Variants in ROBO2 observed in about 807,000 individuals in gnomAD.
The protein encoded by ROBO2 is roundabout guidance receptor 2.
ROBO2 carries 53 observed loss-of-function variants against 160.8 expected under a neutral mutation model. The observed-to-expected ratio is 0.33, with a 90% CI of 0.26 to 0.41. The LOEUF (loss-of-function observed/expected upper bound fraction) is 0.41. Among genes scored for constraint, ROBO2 ranks in the 10% least tolerant of loss-of-function variants. ROBO2 has a pLI of 1.00. For missense variants in ROBO2, 1,577 were observed against 1,722.4 expected (o/e 0.92, Z 1.49); for synonymous variants, 664 against 611.7 (o/e 1.09, Z -1.26).
chr3:76,868,170 T>C (rs7428044), intron 2 of ROBO2, among the ~76,000 whole-genome samples: 121,238 of 152,164 alleles, frequency 0.8, 48,607 homozygotes, highest in East Asian at 0.87. Flanking sequence ...CGATTTGTTT[T>C]TTTTACCCAA....
intron 2 of ROBO2, among the ~76,000 whole-genome samples, chr3:77,392,980 G>A (rs2153502647): frequency 6.6e-6 from 1 of 152,212 alleles, no homozygotes; most frequent in South Asian, 2.1e-4. Context: ...TAAAATTGTA[G>A]GTTCAGAAGA....
intron 2 of ROBO2, among the ~76,000 whole-genome samples, chr3:76,241,128 G>A (rs540413689): frequency 3.2e-4 from 48 of 152,252 alleles, no homozygotes; most frequent in South Asian, 2.5e-3. Context: ...TCTTGGTAGC[G>A]TGGTTATCTG....
chr3:76,524,204 C>T (rs1370480004), intron 2 of ROBO2, among the ~76,000 whole-genome samples: 1 of 151,928 alleles, frequency 6.6e-6, no homozygotes, highest in East Asian at 1.9e-4. Flanking sequence ...GACTGGGCAG[C>T]AGGTGAGGCT....
intron 2 of ROBO2, among the ~76,000 whole-genome samples, chr3:76,337,953 G>T (rs544399506): frequency 6.6e-6 from 1 of 152,198 alleles, no homozygotes; most frequent in Non-Finnish European, 1.5e-5. Context: ...ACTAGAAATA[G>T]AACTTTAATA....
At chr3:75,966,799 C>T (rs1949132595) in intron 2 of ROBO2, among the ~76,000 whole-genome samples, 1 of 151,672 alleles carries the variant, frequency 6.6e-6, no homozygotes. Flanking sequence ...TATTTACAAT[C>T]ACTATTCCAC....
chr3:76,916,529 T>TTTGAGAC (rs1362572885), intron 2 of ROBO2, among the ~76,000 whole-genome samples: 3 of 147,322 alleles, frequency 2.0e-5, no homozygotes, highest in Non-Finnish European at 4.6e-5. Context: ...GTTATTTTTT[T>TTTGAGAC]GTAGAGACAC....
At chr3:77,308,075 TTGA>T (rs1233372229) in intron 2 of ROBO2, among the ~76,000 whole-genome samples, 2 of 151,704 alleles carry the variant, frequency 1.3e-5, no homozygotes, top group East Asian at 3.9e-4. Flanking sequence ...AGTTTTTACC[TTGA>T]TGAAAGGAGA....
At chr3:77,600,714 G>T (rs1218035787) in intron 19 of ROBO2, among the ~76,000 whole-genome samples, 1 of 152,144 alleles carries the variant, frequency 6.6e-6, no homozygotes, top group South Asian at 2.1e-4. Flanking sequence ...AGGATCTATT[G>T]TGACCAATTT....
chr3:76,836,815 T>A (rs943371958), intron 2 of ROBO2, among the ~76,000 whole-genome samples: 4 of 151,932 alleles, frequency 2.6e-5, no homozygotes, highest in African/African-American at 7.2e-5. Context: ...ATATGTTCTA[T>A]CGCAGTAAAC....
chr3:76,021,284 T>G (rs2066567542), intron 2 of ROBO2, among the ~76,000 whole-genome samples: 1 of 151,828 alleles, frequency 6.6e-6, no homozygotes, highest in Non-Finnish European at 1.5e-5. Flanking sequence ...GTCTTTTGTC[T>G]CCTTACTTGT....
intron 2 of ROBO2, among the ~76,000 whole-genome samples, chr3:76,895,514 G>T (rs142718246): frequency 7.9e-5 from 12 of 151,900 alleles, no homozygotes; most frequent in African/African-American, 2.9e-4. Context: ...TTTCTTTATT[G>T]ATTATTGTGT....
At chr3:76,577,740 T>C (rs1231487697) in intron 2 of ROBO2, among the ~76,000 whole-genome samples, 1 of 152,130 alleles carries the variant, frequency 6.6e-6, no homozygotes, top group Non-Finnish European at 1.5e-5. Flanking sequence ...ACCACTAGCA[T>C]TTATTTGGGT....
intron 7 of ROBO2, among the ~76,000 whole-genome samples, chr3:77,547,766 C>T (rs542726053): frequency 1.3e-5 from 2 of 152,172 alleles, no homozygotes; most frequent in South Asian, 2.1e-4. Context: ...AGGTGATGGC[C>T]ACTGCCTTAT....
intron 2 of ROBO2, among the ~76,000 whole-genome samples, chr3:76,272,914 T>TAAATATATATATTTATATA (rs1559706244): frequency 5.3e-5 from 1 of 19,024 alleles, no homozygotes; most frequent in Non-Finnish European, 1.9e-4. Context: ...TATTTATATA[T>TAAATATATATATTTATATA]AAAATATATA....
chr3:76,529,523 C>T (rs2082114698), intron 2 of ROBO2, among the ~76,000 whole-genome samples: 1 of 152,080 alleles, frequency 6.6e-6, no homozygotes, highest in South Asian at 2.1e-4. Context: ...AAGATCTGCA[C>T]TGTGGCATAT....
chr3:77,057,622 G>GT (rs2065889169), intron 1 of ROBO2, among the ~76,000 whole-genome samples: 1 of 136,038 alleles, frequency 7.4e-6, no homozygotes, highest in Non-Finnish European at 1.5e-5. Context: ...CCAGGCTGGA[G>GT]TGCAGTGGCA....
intron 6 of ROBO2, among the ~76,000 whole-genome samples, chr3:77,536,658 G>A (rs1246361229): frequency 2.6e-5 from 4 of 152,148 alleles, no homozygotes; most frequent in Admixed American, 6.6e-5. Context: ...CCACAGGACA[G>A]AGATCTTAGT....
intron 2 of ROBO2, among the ~76,000 whole-genome samples, chr3:76,969,858 C>T (rs1419591128): frequency 6.6e-6 from 1 of 151,742 alleles, no homozygotes; most frequent in Admixed American, 6.6e-5. Flanking sequence ...TCTATGTTGG[C>T]TAGTTCTAGA....
chr3:76,243,440 A>T (rs1705424053), intron 2 of ROBO2, among the ~76,000 whole-genome samples: 1 of 152,204 alleles, frequency 6.6e-6, no homozygotes, highest in South Asian at 2.1e-4. Context: ...AAGCAAAGAG[A>T]CACATCTCTC....
Sources: gnomAD v4.1 joint callset for allele counts (sites outside exome capture counted in the v4.1 genomes callset) on GRCh38, gnomAD v4.1.1 for gene constraint, MANE v1.5 for transcripts, NCBI Gene and HGNC (gene_info 2026-07-23, HGNC 2026-07-21) for gene names.